The following BCHE variants were observed in gnomAD, a reference collection of about 807,000 sequenced individuals.
BCHE encodes butyrylcholinesterase.
BCHE carries 48 observed loss-of-function variants against 51.3 expected under a neutral mutation model. The ratio of observed to expected loss-of-function variants is 0.94; its 90% CI spans 0.74 to 1.19. The LOEUF (loss-of-function observed/expected upper bound fraction) is 1.19, where lower values mean the gene tolerates loss of function less well. BCHE is among the 50% of genes most tolerant of loss of function. BCHE has a pLI of 0.00. For synonymous variants in BCHE, 251 were observed against 238.0 expected (o/e 1.05, Z -0.50); for missense variants, 847 against 708.2 (o/e 1.20, Z -2.23).
intron 2 of BCHE, among the ~76,000 whole-genome samples, chr3:165,803,288 A>G (rs1713737584): frequency 1.3e-5 from 2 of 152,222 alleles, no homozygotes; most frequent in Non-Finnish European, 2.9e-5. Context: ...TTGGTGAAAG[A>G]GAGAAAGATG....
At chr3:165,798,390 A>G (rs149131665) in intron 2 of BCHE, among the ~76,000 whole-genome samples, 1 of 152,150 alleles carries the variant, frequency 6.6e-6, no homozygotes, top group African/African-American at 2.4e-5. Flanking sequence ...TTTAAGAAGA[A>G]TATACTTTAA....
intron 2 of BCHE, among the ~76,000 whole-genome samples, chr3:165,788,637 T>C (rs1344391896): frequency 6.6e-6 from 1 of 152,150 alleles, no homozygotes; most frequent in Non-Finnish European, 1.5e-5. Flanking sequence ...TTGTCCAGTT[T>C]TCTTCTAATT....
chr3:165,818,896 C>G (rs961418771), intron 2 of BCHE, among the ~76,000 whole-genome samples: 2 of 152,040 alleles, frequency 1.3e-5, no homozygotes, highest in African/African-American at 4.8e-5. Flanking sequence ...GAACAATTAA[C>G]TTGGCAACTA....
rs1175482750 is a variant in BCHE, at chr3:165,829,807, TC to T, written c.1226del (p.Arg409AsnfsTer56). On this transcript the variant is annotated frameshift_variant, in exon 2 of 4. Coordinates refer to ENST00000264381, the MANE Select transcript of BCHE (RefSeq NM_000055.4). LOFTEE classifies it high-confidence loss of function. ...CCAAGGCCTCACGGTAGTTTTCAGGTCTCTGATCATCTACCCAGTCTGTGTA... is the reference window on the plus strand; with the variant it reads ...CCAAGGCCTCACGGTAGTTTTCAGGTTCTGATCATCTACCCAGTCTGTGTA... Reference protein sequence around the residue: ...FHYTDWVDDQRPENYREALGD... With the variant: ...FHYTDWVDDQXPENYREALGD... 6.2e-7 allele frequency: 1 copy of T among 1,613,868 alleles called. No individual in the cohort carries two copies. The highest frequency in any genetic ancestry group is 1.7e-5 in the Admixed American group (1 of 59,954).
chr3:165,778,645 C>A (rs975578371), intron 3 of BCHE: 3 of 450,450 alleles, frequency 6.7e-6, no homozygotes, highest in East Asian at 1.4e-4. Context: ...GGCCCTGACT[C>A]CACTTCACTG....
At chr3:165,777,165 A>T (rs1189452592) in intron 3 of BCHE, among the ~76,000 whole-genome samples, 2 of 151,922 alleles carry the variant, frequency 1.3e-5, no homozygotes, top group Non-Finnish European at 2.9e-5. Context: ...TATTTTTCAG[A>T]GAAATATCTT....
At chr3:165,811,038 G>A (rs2108221443) in intron 2 of BCHE, among the ~76,000 whole-genome samples, 1 of 152,210 alleles carries the variant, frequency 6.6e-6, no homozygotes, top group South Asian at 2.1e-4. Context: ...GACGATACAA[G>A]TAGAGCTGCA....
At chr3:165,788,258 T>C (rs1030800482) in intron 2 of BCHE, among the ~76,000 whole-genome samples, 3 of 152,078 alleles carry the variant, frequency 2.0e-5, no homozygotes, top group Non-Finnish European at 4.4e-5. Context: ...CATAAATTCA[T>C]ATTTTATCAT....
At chr3:165,801,838 G>A (rs75831251) in intron 2 of BCHE, among the ~76,000 whole-genome samples, 289 of 152,194 alleles carry the variant, frequency 1.9e-3, no homozygotes, top group African/African-American at 6.7e-3. Flanking sequence ...AAATGTATCC[G>A]TTTTTGCCTC....
chr3:165,816,380 A>AT (rs542301566), intron 2 of BCHE, among the ~76,000 whole-genome samples: 282 of 152,148 alleles, frequency 1.9e-3, no homozygotes, highest in African/African-American at 6.6e-3. Flanking sequence ...GTTCACAATC[A>AT]TGTTGCAATA....
At chr3:165,798,754 T>C (rs542147055) in intron 2 of BCHE, among the ~76,000 whole-genome samples, 5 of 152,262 alleles carry the variant, frequency 3.3e-5, no homozygotes, top group African/African-American at 9.6e-5. Flanking sequence ...GAAGCTGGAC[T>C]GAGTTAGAAG....
chr3:165,794,104 T>C (rs1193117745), intron 2 of BCHE, among the ~76,000 whole-genome samples: 2 of 152,010 alleles, frequency 1.3e-5, no homozygotes, highest in African/African-American at 4.8e-5. Context: ...TTATAGTATT[T>C]ATTCTTAACT....
chr3:165,837,320 C>A lies in BCHE; in HGVS notation c.-15G>T. 1.6e-6 allele frequency: 2 copies of A among 1,289,382 alleles called. No individual in the cohort carries two copies. Among genetic ancestry groups the A allele is most frequent in the South Asian group, 2.5e-5 (2 of 81,028 alleles). The allele number at this position is 1,289,382 out of a possible 1,614,324, so 79.9% of individuals were successfully genotyped here. ...TAAATTCAGAGCAACTTACCCGATT[C>A]TCTGCAACAAAGATGGCAAAGTTTG... On this transcript the variant is annotated 5_prime_UTR_variant, in exon 1 of 4. It introduces an in-frame stop codon into an upstream open reading frame of the 5' UTR. Coordinates refer to ENST00000264381, the MANE Select transcript of BCHE (RefSeq NM_000055.4).
intron 2 of BCHE, among the ~76,000 whole-genome samples, chr3:165,820,634 A>C (rs974412247): frequency 2.6e-5 from 4 of 152,034 alleles, no homozygotes; most frequent in African/African-American, 9.7e-5. Flanking sequence ...TCAGAGGGTA[A>C]GAATTTTTCT....
chr3:165,796,611 T>A (rs768907673), intron 2 of BCHE, among the ~76,000 whole-genome samples: 1 of 152,182 alleles, frequency 6.6e-6, no homozygotes, highest in Non-Finnish European at 1.5e-5. Context: ...AGATGTAGTG[T>A]GTTTTTTTAA....
At chr3:165,785,815 T>C (rs1712924591) in intron 3 of BCHE, among the ~76,000 whole-genome samples, 1 of 151,768 alleles carries the variant, frequency 6.6e-6, no homozygotes, top group Admixed American at 6.6e-5. Flanking sequence ...TTTATTTCTT[T>C]GTCCATTAAT....
At position 165,831,046 on chromosome 3, in the gene BCHE, AAGAG is replaced by A. The variant is rs1320279701; in HGVS notation, c.-8-9_-8-6del. 4 of 1,600,376 alleles carry A rather than the reference AAGAG, an allele frequency of 2.5e-6. No homozygotes were observed. Among genetic ancestry groups the A allele is most frequent in the Non-Finnish European group, 3.4e-6 (4 of 1,172,618 alleles). ...CTTTGCTATGCATATTGATTTCTGA[AAGAG>A]AGGTAAGTATAATGTTTTATAAGCC... On this transcript the variant is annotated splice_polypyrimidine_tract_variant and splice_region_variant and intron_variant, in intron 1 of 3. Transcript: ENST00000264381.
chr3:165,822,712 T>C (rs1166289390), intron 2 of BCHE, among the ~76,000 whole-genome samples: 1 of 152,056 alleles, frequency 6.6e-6, no homozygotes, highest in Admixed American at 6.6e-5. Context: ...GAAAAGATCA[T>C]CTGCAAGAGT....
chr3:165,794,946 TC>T (rs1268259859), intron 2 of BCHE, among the ~76,000 whole-genome samples: 1 of 152,014 alleles, frequency 6.6e-6, no homozygotes, highest in Admixed American at 6.5e-5. Context: ...TCAGAGAAAA[TC>T]AGTCTTATCT....
Sources: gnomAD v4.1 joint callset for allele counts (sites outside exome capture counted in the v4.1 genomes callset) on GRCh38, gnomAD v4.1.1 for gene constraint, MANE v1.5 for transcripts, NCBI Gene and HGNC (gene_info 2026-07-23, HGNC 2026-07-21) for gene names.